Variants in NMNAT3 observed in about 807,000 individuals in gnomAD.
The protein encoded by NMNAT3 is nicotinamide nucleotide adenylyltransferase 3, also known as nicotinamide/nicotinic acid mononucleotide adenylyltransferase 3.
Under a neutral mutation model 24.8 loss-of-function variants are expected in NMNAT3, and 21 were observed. The observed-to-expected ratio is 0.85, with a 90% CI of 0.60 to 1.22. NMNAT3 has a LOEUF of 1.22. Among genes scored for constraint, NMNAT3 ranks in the 50% most tolerant of loss-of-function variants. The pLI, the probability that NMNAT3 is intolerant of heterozygous loss-of-function variation, is 0.00. For missense variants in NMNAT3, 387 were observed against 436.6 expected (o/e 0.89, Z 1.01); for synonymous variants, 136 against 155.2 (o/e 0.88, Z 0.92).
At chr3:139,584,495 T>G (rs1337950220) in intron 3 of NMNAT3, 1 of 152,254 alleles carries the variant, frequency 6.6e-6, no homozygotes, top group Non-Finnish European at 1.5e-5. Context: ...CTCTAAACAA[T>G]CCCACAAATT....
intron 3 of NMNAT3, among the ~76,000 whole-genome samples, chr3:139,588,592 T>G (rs1472675250): frequency 2.6e-5 from 4 of 151,712 alleles, no homozygotes; most frequent in Non-Finnish European, 5.9e-5. Flanking sequence ...AGGCCCAGAG[T>G]GGCTCAGGAA....
intron 3 of NMNAT3, among the ~76,000 whole-genome samples, chr3:139,587,749 T>C (rs2053998504): frequency 6.6e-6 from 1 of 152,226 alleles, no homozygotes; most frequent in African/African-American, 2.4e-5. Context: ...GCTCATGTTA[T>C]ACATGGGACA....
intron 5 of NMNAT3, among the ~76,000 whole-genome samples, chr3:139,578,018 C>A (rs1489568629): frequency 1.3e-5 from 2 of 152,224 alleles, no homozygotes; most frequent in Non-Finnish European, 2.9e-5. Context: ...CATTTCCTGC[C>A]AATCCTAGTG....
intron 3 of NMNAT3, among the ~76,000 whole-genome samples, chr3:139,585,726 T>C (rs1333914682): frequency 6.6e-6 from 1 of 152,230 alleles, no homozygotes; most frequent in Non-Finnish European, 1.5e-5. Flanking sequence ...GACTCATGTG[T>C]GGCTGCTTCT....
At chr3:139,652,428 C>T (rs974016846) in intron 1 of NMNAT3, among the ~76,000 whole-genome samples, 2 of 152,192 alleles carry the variant, frequency 1.3e-5, no homozygotes, top group Non-Finnish European at 2.9e-5. Flanking sequence ...GAAACTGGGA[C>T]TTAGAGAACT....
intron 4 of NMNAT3, among the ~76,000 whole-genome samples, chr3:139,582,654 A>AAG (rs1178097011): frequency 6.7e-6 from 1 of 149,378 alleles, no homozygotes; most frequent in East Asian, 1.9e-4. Flanking sequence ...AAAAAAAAAA[A>AAG]AAAAAAAAAA....
At chr3:139,622,771 C>CATATATATAT (rs1180513390) in intron 3 of NMNAT3, among the ~76,000 whole-genome samples, 1 of 132,490 alleles carries the variant, frequency 7.5e-6, no homozygotes, top group Non-Finnish European at 1.6e-5. Context: ...TCATATATAT[C>CATATATATAT]ATATATATGA....
At chr3:139,587,617 A>G (rs893106265) in intron 3 of NMNAT3, among the ~76,000 whole-genome samples, 1 of 152,204 alleles carries the variant, frequency 6.6e-6, no homozygotes, top group Non-Finnish European at 1.5e-5. Context: ...TGAAAATTAA[A>G]AAGTTTACCA....
intron 6 of NMNAT3, among the ~76,000 whole-genome samples, chr3:139,563,170 C>T (rs1176761950): frequency 6.6e-6 from 1 of 152,216 alleles, no homozygotes; most frequent in Non-Finnish European, 1.5e-5. Flanking sequence ...AACAATTATT[C>T]AGTAACTCAC....
At chr3:139,663,263 A>C (rs545804553) in intron 1 of NMNAT3, among the ~76,000 whole-genome samples, 1 of 152,156 alleles carries the variant, frequency 6.6e-6, no homozygotes, top group African/African-American at 2.4e-5. Context: ...TCCTGCCTCC[A>C]TCTTTCACTG....
At chr3:139,632,745 G>T (rs1391662765) in intron 2 of NMNAT3, among the ~76,000 whole-genome samples, 1 of 152,218 alleles carries the variant, frequency 6.6e-6, no homozygotes, top group South Asian at 2.1e-4. Context: ...AACCCCCAGG[G>T]TAAGGGATCA....
chr3:139,668,537 T>C (rs533792637), intron 1 of NMNAT3, among the ~76,000 whole-genome samples: 2 of 152,364 alleles, frequency 1.3e-5, no homozygotes, highest in African/African-American at 4.8e-5. Context: ...ACCTACCATC[T>C]GCATAACAGA....
At chr3:139,652,936 GA>G (rs2057104150) in intron 1 of NMNAT3, among the ~76,000 whole-genome samples, 1 of 152,198 alleles carries the variant, frequency 6.6e-6, no homozygotes, top group Non-Finnish European at 1.5e-5. Context: ...CCTCACCAGT[GA>G]GAGGCACATT....
chr3:139,561,362 G>T lies in NMNAT3; in HGVS notation c.689C>A (p.Ala230Glu), dbSNP rs199966443. 6 of 1,613,830 alleles carry T rather than the reference G, an allele frequency of 3.7e-6. No homozygotes were observed. The Admixed American group carries it at 6.7e-5, about 18-fold the overall frequency. Reference sequence around the variant, plus strand: ...GGTCTGGAAGGTCTTCAAGACGTCTGCCCCACAGAGAAGCTTCAGCTCAGG... The same window carrying T: ...GGTCTGGAAGGTCTTCAAGACGTCTTCCCCACAGAGAAGCTTCAGCTCAGG... Residue 230 changes from alanine to glutamate, a missense_variant, in exon 7 of 7, where the codon GCA becomes GAA. Ala to Glu is a moderately radical substitution (Grantham distance 107). Transcript: ENST00000643695.
chr3:139,663,157 C>T (rs1482325338), intron 1 of NMNAT3, among the ~76,000 whole-genome samples: 1 of 152,208 alleles, frequency 6.6e-6, no homozygotes, highest in Non-Finnish European at 1.5e-5. Context: ...TTCCCAGCTT[C>T]TAGAGGCTGC....
At chr3:139,574,672 G>C (rs1434634710) in intron 5 of NMNAT3, among the ~76,000 whole-genome samples, 2 of 152,130 alleles carry the variant, frequency 1.3e-5, no homozygotes, top group African/African-American at 4.8e-5. Flanking sequence ...TTAAGTTCAG[G>C]CTTTTTTGCT....
At chr3:139,634,117 A>T (rs1474294912) in intron 2 of NMNAT3, among the ~76,000 whole-genome samples, 1 of 152,130 alleles carries the variant, frequency 6.6e-6, no homozygotes, top group Non-Finnish European at 1.5e-5. Context: ...TTAAGTTCTA[A>T]CCTAGTGTGC....
chr3:139,587,423 A>G (rs915505678), intron 3 of NMNAT3, among the ~76,000 whole-genome samples: 1 of 152,132 alleles, frequency 6.6e-6, no homozygotes, highest in African/African-American at 2.4e-5. Flanking sequence ...TCAATAGTGG[A>G]GCGAGAGTGG....
chr3:139,642,941 A>G (rs904455007), intron 1 of NMNAT3, among the ~76,000 whole-genome samples: 3 of 152,058 alleles, frequency 2.0e-5, no homozygotes, highest in Non-Finnish European at 4.4e-5. Context: ...TGTCCTTTCC[A>G]TCCATTTCTG....
Sources: allele counts gnomAD v4.1 joint callset (sites outside exome capture counted in the v4.1 genomes callset), GRCh38; gene constraint gnomAD v4.1.1; transcripts MANE v1.5; gene names NCBI Gene and HGNC (gene_info 2026-07-23, HGNC 2026-07-21).